ADD1: variants seen among roughly 807,000 people sequenced by gnomAD.
ADD1 encodes the protein alpha-adducin.
A neutral mutation model predicts 80.5 loss-of-function variants in ADD1; 24 were observed. The ratio of observed to expected loss-of-function variants is 0.30; its 90% CI spans 0.22 to 0.42. The LOEUF (loss-of-function observed/expected upper bound fraction) is 0.42. Among genes scored for constraint, ADD1 ranks in the 10% least tolerant of loss-of-function variants. The pLI is 1.00. For missense variants in ADD1, 948 were observed against 1,019.0 expected, an observed-to-expected ratio of 0.93 and a Z score of 0.95; for synonymous variants, 373 against 393.8, an observed-to-expected ratio of 0.95 and a Z score of 0.63.
chr4:2,914,803 C>T, intron 13 of ADD1, 81 bp from the exon 14 acceptor site: 1 of 1,505,536 alleles, frequency 6.6e-7, no homozygotes, highest in Admixed American at 2.2e-5. Flanking sequence ...CTGCCCCCGC[C>T]CTGCCTGCAG....
At chr4:2,878,617 G>A (rs1270346603) in intron 2 of ADD1, among the ~76,000 whole-genome samples, 1 of 152,112 alleles carries the variant, frequency 6.6e-6, no homozygotes, top group Non-Finnish European at 1.5e-5. Flanking sequence ...CTGCCCACAG[G>A]TTGTTTAGAA....
At position 2,928,452 on chromosome 4, in the gene ADD1, C is replaced by A. The variant is rs1023677538; in HGVS notation, c.2329C>A (p.Pro777Thr). The A allele has an allele frequency of 3.1e-6, 5 of 1,613,498 alleles. No homozygotes were observed. The highest frequency in any genetic ancestry group is 4.2e-6 in the Non-Finnish European group (5 of 1,180,006). Residue 777 changes from proline to threonine, a missense_variant, in exon 16 of 16, where the codon CCG (proline) becomes ACG (threonine). Pro to Thr is a conservative substitution (Grantham distance 38). Coordinates refer to ENST00000683351, the MANE Select transcript of ADD1 (RefSeq NM_001354761.2). ...CAGCGATGGGTCTCCAGGCAAGTCC[C>A]CGTCCAAAAAGAAGAAGAAGTTCCG... is the stretch of plus-strand genomic sequence containing the variant. Reference protein sequence around the residue: ...PGSDGSPGKSPSKKKKKFRTP... With the variant: ...PGSDGSPGKSTSKKKKKFRTP...
intron 6 of ADD1, among the ~76,000 whole-genome samples, chr4:2,897,973 A>AGGCTCTCCCAGTTTAGG (rs1227052769): frequency 5.9e-5 from 9 of 152,182 alleles, no homozygotes; most frequent in Non-Finnish European, 1.2e-4. Context: ...TTTTCTTTTG[A>AGGCTCTCCCAGTTTAGG]GGCTCTCCCA....
chr4:2,913,134 C>CT (rs1738372220), intron 13 of ADD1, among the ~76,000 whole-genome samples: 1 of 152,224 alleles, frequency 6.6e-6, no homozygotes, highest in Non-Finnish European at 1.5e-5. Flanking sequence ...AGGTGTGAGC[C>CT]ACCATGCCTG....
intron 1 of ADD1, among the ~76,000 whole-genome samples, chr4:2,872,496 T>A (rs771964646): frequency 1.3e-5 from 2 of 152,258 alleles, no homozygotes. Flanking sequence ...CTCTTTTATC[T>A]GTATTATGCT....
Position 2,919,226 on chromosome 4 carries a change from C to T in ADD1, c.1948+4186C>T, listed in dbSNP as rs186362558. Among the ~76,000 whole-genome samples the T allele has an allele frequency of 1.4e-3, 216 of 152,224 alleles. 1 individual carries two copies. Among genetic ancestry groups the T allele is most frequent in the Middle Eastern group, 6.8e-3 (2 of 294 alleles). ...AAGCTTTTTGATGTGCTGCTGGATT[C>T]GGTTTGCCAGTATTTCATTGAGGAT... is the stretch of plus-strand genomic sequence containing the variant. On this transcript the variant is annotated intron_variant, in intron 14 of 15. Transcript: ENST00000683351.
chr4:2,892,607 A>G (rs1734482183), intron 4 of ADD1, among the ~76,000 whole-genome samples: 1 of 152,034 alleles, frequency 6.6e-6, no homozygotes, highest in African/African-American at 2.4e-5. Context: ...AGGCGGGAGG[A>G]TTGCTTGAGT....
At position 2,898,544 on chromosome 4, in the gene ADD1, C is replaced by T; in HGVS notation, c.984+13C>T. 6.2e-7 allele frequency: 1 copy of T among 1,604,942 alleles called. No homozygotes were observed. Among genetic ancestry groups the T allele is most frequent in the Non-Finnish European group, 8.5e-7 (1 of 1,171,736 alleles). On this transcript the variant is annotated intron_variant, in intron 8 of 15. Transcript: ENST00000683351. ...CTGTGAGATCCAGGTAGGGGACAGC[C>T]ATTCCAGTCACTCTGCAGTTTATTT...
At chr4:2,863,564 G>A (rs1383514546) in intron 1 of ADD1, among the ~76,000 whole-genome samples, 1 of 152,164 alleles carries the variant, frequency 6.6e-6, no homozygotes, top group Non-Finnish European at 1.5e-5. Flanking sequence ...AAAGTTCATA[G>A]GCTTGGAAGC....
intron 10 of ADD1, 33 bp downstream of exon 10, chr4:2,905,141 G>A: frequency 6.2e-7 from 1 of 1,600,762 alleles, no homozygotes; most frequent in East Asian, 2.2e-5. Context: ...ATAGTTAGAT[G>A]ACGTAGAGCA....
intron 6 of ADD1, among the ~76,000 whole-genome samples, chr4:2,895,101 A>G (rs1346058269): frequency 6.6e-6 from 1 of 152,070 alleles, no homozygotes; most frequent in Non-Finnish European, 1.5e-5. Flanking sequence ...CTGTACAAAA[A>G]AAATTAAAAA....
At chr4:2,897,508 A>G (rs1052482438) in intron 6 of ADD1, among the ~76,000 whole-genome samples, 1 of 149,726 alleles carries the variant, frequency 6.7e-6, no homozygotes, top group Non-Finnish European at 1.5e-5. Context: ...TAAAAAGTAC[A>G]GAAAAACTTT....
At position 2,919,863 on chromosome 4, in the gene ADD1, TTTC is replaced by T. The variant is rs572747740; in HGVS notation, c.1948+4826_1948+4828del. Among the ~76,000 whole-genome samples the T allele has an allele frequency of 1.0e-3, 155 of 152,322 alleles. 1 individual carries two copies. The highest frequency in any genetic ancestry group is 7.9e-3 in the South Asian group (38 of 4,828). On this transcript the variant is annotated intron_variant, in intron 14 of 15. Transcript: ENST00000683351. ...TTCAGTTCTGCACTCGTCTTAGTTA[TTTC>T]TTGTCTTCTGCTAGCTTTTGAATTT...
chr4:2,899,708 A>G, intron 9 of ADD1: 2 of 458,838 alleles, frequency 4.4e-6, no homozygotes, highest in Non-Finnish European at 8.0e-6. Flanking sequence ...AGGCAGCTGG[A>G]TGACCAGCTG....
intron 13 of ADD1, 129 bp from the exon 14 acceptor site, chr4:2,914,755 C>A: frequency 9.5e-7 from 1 of 1,050,764 alleles, no homozygotes. Flanking sequence ...GGGCCCATGG[C>A]AGTGCAGTCT....
intron 14 of ADD1, among the ~76,000 whole-genome samples, chr4:2,919,831 T>C (rs1035504588): frequency 1.3e-5 from 2 of 152,176 alleles, no homozygotes; most frequent in African/African-American, 4.8e-5. Context: ...TTTTTGTGTC[T>C]CTCTCCTTCA....
chr4:2,890,475 CT>C (rs1175240391), intron 4 of ADD1, among the ~76,000 whole-genome samples: 19 of 152,196 alleles, frequency 1.2e-4, no homozygotes, highest in Non-Finnish European at 2.4e-4. Context: ...GGCACGATCT[CT>C]GCTCACTGCA....
rs1224524435 is a variant in ADD1 at position 2,866,722 on chromosome 4, T to G, written c.-20-9174T>G. ...TGCAATACAGTAGATGAGCTTGGCA[T>G]TGAGAGTGAGTAGTCTTGGATTTAG... On this transcript the variant is annotated intron_variant, in intron 1 of 15. Coordinates refer to ENST00000683351, the MANE Select transcript of ADD1 (RefSeq NM_001354761.2). Among the ~76,000 whole-genome samples, 7 of 152,130 alleles carry G rather than the reference T, an allele frequency of 4.6e-5. No individual in the cohort carries two copies. The East Asian group carries it at 1.2e-3, about 25-fold the overall frequency.
chr4:2,924,449 T>C (rs938480655), intron 14 of ADD1, among the ~76,000 whole-genome samples: 1 of 152,164 alleles, frequency 6.6e-6, no homozygotes, highest in African/African-American at 2.4e-5. Context: ...CCCGCCAGCA[T>C]CCTCAGGGCC....
Sources: allele counts gnomAD v4.1 joint callset (sites outside exome capture counted in the v4.1 genomes callset), GRCh38; gene constraint gnomAD v4.1.1; transcripts MANE v1.5; gene names NCBI Gene and HGNC (gene_info 2026-07-23, HGNC 2026-07-21).